SDK1: variants seen among roughly 807,000 people sequenced by gnomAD.
The protein encoded by SDK1 is protein sidekick-1.
A neutral mutation model predicts 245.5 loss-of-function variants in SDK1; 157 were observed. The observed-to-expected ratio is 0.64, with a 90% CI of 0.56 to 0.73. The LOEUF is 0.73. Ranked by LOEUF, SDK1 falls within the 30% of genes least tolerant of loss-of-function variation. SDK1 has a pLI of 0.00. For missense variants in SDK1, 3,583 were observed against 3,002.3 expected (o/e 1.19, Z -4.52); for synonymous variants, 1,647 against 1,278.5 (o/e 1.29, Z -6.15).
chr7:4,153,742 T>A (rs1780542127), intron 30 of SDK1, among the ~76,000 whole-genome samples: 1 of 152,204 alleles, frequency 6.6e-6, no homozygotes, highest in Non-Finnish European at 1.5e-5. Context: ...AGTAGCTCCG[T>A]CATCGTTCAC....
intron 1 of SDK1, among the ~76,000 whole-genome samples, chr7:3,378,719 G>A (rs1414190457): frequency 6.6e-6 from 1 of 151,874 alleles, no homozygotes; most frequent in Non-Finnish European, 1.5e-5. Flanking sequence ...TTGCGTGAAG[G>A]TTCTCACGCA....
At chr7:4,086,526 C>T (rs2128181760) in intron 22 of SDK1, among the ~76,000 whole-genome samples, 1 of 152,278 alleles carries the variant, frequency 6.6e-6, no homozygotes, top group Non-Finnish European at 1.5e-5. Flanking sequence ...TTCCCAGCTC[C>T]TGGAGGTCAC....
At chr7:3,338,082 G>A (rs1780249808) in intron 1 of SDK1, 1 of 183,062 alleles carries the variant, frequency 5.5e-6, no homozygotes, top group South Asian at 1.7e-4. Context: ...AAGTGGGGAA[G>A]GGCCTTTTGG....
In SDK1 at chr7:3,558,962, T is replaced by A. The variant is rs116203268; in HGVS notation, c.299-60118T>A. ...TCACTCTACTCAAGACTACTTAGAT[T>A]GTTTGAAAGAAGGCTTTGGCTAATG... On this transcript the variant is annotated intron_variant, in intron 1 of 44. Coordinates refer to ENST00000404826, the MANE Select transcript of SDK1 (RefSeq NM_152744.4). 9.4e-3 allele frequency among the ~76,000 whole-genome samples: 1,428 copies of A among 152,276 alleles called. 18 individuals are homozygous for A. Among genetic ancestry groups the A allele is most frequent in the African/African-American group, 0.031 (1,299 of 41,556 alleles).
chr7:4,011,135 T>C, intron 15 of SDK1, 22 bp downstream of exon 15: 1 of 1,610,676 alleles, frequency 6.2e-7, no homozygotes, highest in Non-Finnish European at 8.5e-7. Context: ...CCGCCCCAGG[T>C]GGGGGTGTGG....
intron 5 of SDK1, among the ~76,000 whole-genome samples, chr7:3,921,801 A>G (rs1329195156): frequency 3.9e-5 from 6 of 152,028 alleles, no homozygotes; most frequent in Non-Finnish European, 8.8e-5. Context: ...CCCCATCTCT[A>G]TAAAAATAAA....
At chr7:3,382,488 C>T (rs953804481) in intron 1 of SDK1, among the ~76,000 whole-genome samples, 1 of 152,160 alleles carries the variant, frequency 6.6e-6, no homozygotes, top group Non-Finnish European at 1.5e-5. Flanking sequence ...ACCTAATACA[C>T]TTCCTCACCT....
At chr7:3,594,648 G>A (rs1281090101) in intron 1 of SDK1, among the ~76,000 whole-genome samples, 4 of 152,114 alleles carry the variant, frequency 2.6e-5, no homozygotes, top group Non-Finnish European at 5.9e-5. Flanking sequence ...GGTGGTTTGG[G>A]TGGGTTACCT....
intron 1 of SDK1, among the ~76,000 whole-genome samples, chr7:3,519,140 G>C (rs1007333378): frequency 6.6e-6 from 1 of 152,070 alleles, no homozygotes; most frequent in African/African-American, 2.4e-5. Context: ...TAGGAGGGTT[G>C]AAGGAAGAGT....
intron 5 of SDK1, among the ~76,000 whole-genome samples, chr7:3,917,422 A>G (rs1779422296): frequency 6.6e-6 from 1 of 152,158 alleles, no homozygotes; most frequent in Non-Finnish European, 1.5e-5. Flanking sequence ...GGGTACAGAA[A>G]GGTGTGACAG....
intron 30 of SDK1, among the ~76,000 whole-genome samples, chr7:4,151,771 C>T (rs1365815414): frequency 1.3e-5 from 2 of 152,190 alleles, no homozygotes; most frequent in Admixed American, 1.3e-4. Context: ...CTCACTATTC[C>T]CAGTTTACAC....
chr7:3,626,208 G>A (rs1009556742), intron 2 of SDK1, among the ~76,000 whole-genome samples: 4 of 151,920 alleles, frequency 2.6e-5, no homozygotes, highest in Non-Finnish European at 4.4e-5. Flanking sequence ...CCAAAGTGCT[G>A]AGGTTACAGG....
intron 1 of SDK1, among the ~76,000 whole-genome samples, chr7:3,564,272 CTT>C (rs1779837533): frequency 6.6e-6 from 1 of 151,960 alleles, no homozygotes; most frequent in Non-Finnish European, 1.5e-5. Flanking sequence ...AAAATCAAAA[CTT>C]GATTCTTTGA....
chr7:3,517,708 G>T (rs1429758384), intron 1 of SDK1, among the ~76,000 whole-genome samples: 1 of 152,118 alleles, frequency 6.6e-6, no homozygotes, highest in Admixed American at 6.6e-5. Flanking sequence ...CAGCTGTTCT[G>T]TGTTGTATCA....
intron 1 of SDK1, among the ~76,000 whole-genome samples, chr7:3,535,325 T>C (rs1438071180): frequency 6.6e-6 from 1 of 152,154 alleles, no homozygotes; most frequent in African/African-American, 2.4e-5. Context: ...CCTTTGTTTA[T>C]CTGTTAGCTT....
At chr7:3,620,065 C>T (rs1304089047) in intron 2 of SDK1, among the ~76,000 whole-genome samples, 2 of 152,154 alleles carry the variant, frequency 1.3e-5, no homozygotes, top group Non-Finnish European at 2.9e-5. Flanking sequence ...ATCATCGCTG[C>T]CATGCTTTTC....
In SDK1 at chr7:4,178,557, C is replaced by T. The variant is rs764241038; in HGVS notation, c.5069C>T (p.Ala1690Val). 1.7e-5 allele frequency: 28 copies of T among 1,613,004 alleles called. No individual in the cohort carries two copies. Among genetic ancestry groups the T allele is most frequent in the African/African-American group, 5.3e-5 (4 of 75,048 alleles). Residue 1690 changes from alanine (A) to valine (V), a missense_variant, in exon 35 of 45, where the codon GCG becomes GTG. Transcript: ENST00000404826. Reference protein sequence around the residue: ...YNIIGESPASAPVEVFVGEAA... With the variant: ...YNIIGESPASVPVEVFVGEAA... ...ATCATCGGCGAGAGCCCAGCCAGCG[C>T]GCCCGTGGAGGTCTTTGTCGGCGAG...
chr7:3,543,739 G>C (rs1160526319), intron 1 of SDK1, among the ~76,000 whole-genome samples: 2 of 152,212 alleles, frequency 1.3e-5, no homozygotes, highest in African/African-American at 2.4e-5. Flanking sequence ...TGTTTACAGT[G>C]TGTTTTAAAT....
chr7:4,211,014 G>A (rs1361349502), intron 38 of SDK1, among the ~76,000 whole-genome samples: 3 of 152,186 alleles, frequency 2.0e-5, no homozygotes, highest in African/African-American at 7.2e-5. Context: ...TGGTGCTGGT[G>A]GCTGGAGCTT....
Sources: allele counts gnomAD v4.1 joint callset (sites outside exome capture counted in the v4.1 genomes callset), GRCh38; gene constraint gnomAD v4.1.1; transcripts MANE v1.5; gene names NCBI Gene and HGNC (gene_info 2026-07-23, HGNC 2026-07-21).